ZFHX3: variants seen among roughly 807,000 people sequenced by gnomAD.
The protein encoded by ZFHX3 is zinc finger homeobox protein 3.
In ZFHX3, 42 loss-of-function variants were observed where a neutral mutation model predicts 279.1. The observed-to-expected ratio is 0.15, with a 90% CI of 0.12 to 0.19. ZFHX3 has a LOEUF of 0.19. ZFHX3 is among the 10% of genes least tolerant of loss of function. The probability of loss-of-function intolerance (pLI) is 1.00; values close to 1 mark genes in which losing one functional copy is unlikely to be tolerated. For synonymous variants in ZFHX3, 2,293 were observed against 1,957.8 expected (o/e 1.17, Z -4.52); for missense variants, 4,981 against 4,754.0 (o/e 1.05, Z -1.40).
At chr16:72,895,794 A>T (rs1190612516) in intron 3 of ZFHX3, among the ~76,000 whole-genome samples, 1 of 152,198 alleles carries the variant, frequency 6.6e-6, no homozygotes, top group African/African-American at 2.4e-5. Context: ...AGCGTACTCC[A>T]CCCTGGCTCA....
At chr16:73,343,073 A>G (rs1211378600) in intron 3 of ZFHX3, among the ~76,000 whole-genome samples, 1 of 152,210 alleles carries the variant, frequency 6.6e-6, no homozygotes, top group Non-Finnish European at 1.5e-5. Context: ...ATGAATGAAT[A>G]TATTGAGAAA....
chr16:73,650,260 G>C (rs1184304922), intron 2 of ZFHX3, among the ~76,000 whole-genome samples: 1 of 151,452 alleles, frequency 6.6e-6, no homozygotes, highest in African/African-American at 2.4e-5. Flanking sequence ...AAAAAAATTA[G>C]CTCAAAATAT....
intron 2 of ZFHX3, among the ~76,000 whole-genome samples, chr16:73,505,377 C>G (rs2019308780): frequency 6.6e-6 from 1 of 152,036 alleles, no homozygotes; most frequent in African/African-American, 2.4e-5. Flanking sequence ...TAGGGCTGAC[C>G]ACTTGTTCAC....
chr16:72,886,250 T>C (rs1026717777), intron 4 of ZFHX3, among the ~76,000 whole-genome samples: 1 of 152,144 alleles, frequency 6.6e-6, no homozygotes, highest in African/African-American at 2.4e-5. Flanking sequence ...GGAGCCTGTG[T>C]GTGGGAGGGG....
At chr16:73,186,434 G>A (rs1022773415) in intron 5 of ZFHX3, among the ~76,000 whole-genome samples, 16 of 152,058 alleles carry the variant, frequency 1.1e-4, no homozygotes, top group Non-Finnish European at 1.2e-4. Context: ...CATTTGCCTC[G>A]TAGAGTTATT....
At chr16:73,741,041 T>C (rs1394301491) in intron 1 of ZFHX3, among the ~76,000 whole-genome samples, 1 of 147,052 alleles carries the variant, frequency 6.8e-6, no homozygotes, top group African/African-American at 2.5e-5. Flanking sequence ...TTTTTTTTTT[T>C]TTTTTTTTGA....
At chr16:73,267,399 C>T (rs966189954) in intron 4 of ZFHX3, among the ~76,000 whole-genome samples, 1 of 152,098 alleles carries the variant, frequency 6.6e-6, no homozygotes, top group Non-Finnish European at 1.5e-5. Flanking sequence ...GGGGAGAGTA[C>T]TTCCGACTCG....
chr16:73,365,197 C>T (rs984106269), intron 3 of ZFHX3, among the ~76,000 whole-genome samples: 1 of 152,252 alleles, frequency 6.6e-6, no homozygotes, highest in African/African-American at 2.4e-5. Flanking sequence ...GTGCCACCCC[C>T]TTATCTGGAG....
intron 2 of ZFHX3, among the ~76,000 whole-genome samples, chr16:73,517,380 T>G (rs1398232153): frequency 6.6e-6 from 1 of 152,336 alleles, no homozygotes; most frequent in Admixed American, 6.5e-5. Context: ...TCCATATCCA[T>G]CTACAAAATT....
intron 2 of ZFHX3, among the ~76,000 whole-genome samples, chr16:73,479,282 A>G (rs1435723743): frequency 6.6e-6 from 1 of 152,132 alleles, no homozygotes; most frequent in East Asian, 1.9e-4. Context: ...GCTGATTGCA[A>G]TTCTTGACCT....
At chr16:73,555,365 A>G (rs2020262412) in intron 2 of ZFHX3, among the ~76,000 whole-genome samples, 1 of 151,994 alleles carries the variant, frequency 6.6e-6, no homozygotes, top group South Asian at 2.1e-4. Flanking sequence ...AGTGTCAGCC[A>G]GGATGGTCCC....
chr16:73,718,724 T>C (rs2053443014), intron 1 of ZFHX3, among the ~76,000 whole-genome samples: 1 of 151,976 alleles, frequency 6.6e-6, no homozygotes, highest in Admixed American at 6.6e-5. Flanking sequence ...CAAGCGATTC[T>C]TCTGCCTTAG....
At chr16:73,778,304 A>G (rs761916015) in intron 1 of ZFHX3, among the ~76,000 whole-genome samples, 3 of 149,352 alleles carry the variant, frequency 2.0e-5, no homozygotes, top group Non-Finnish European at 4.4e-5. Flanking sequence ...TCCTAAATCT[A>G]TTTTGATGTC....
chr16:72,799,193 T>C (rs1392969382), intron 8 of ZFHX3, among the ~76,000 whole-genome samples: 1 of 152,242 alleles, frequency 6.6e-6, no homozygotes, highest in Non-Finnish European at 1.5e-5. Flanking sequence ...CAAGAACTGC[T>C]GAACATCGTA....
chr16:73,196,150 G>GTTT lies in ZFHX3; in HGVS notation c.-1103-52322_-1103-52320dup, dbSNP rs11357649. Among the ~76,000 whole-genome samples, 35 of 104,904 alleles carry GTTT rather than the reference G, an allele frequency of 3.3e-4. 1 individual carries two copies. Among genetic ancestry groups the GTTT allele is most frequent in the African/African-American group, 8.9e-4 (24 of 26,842 alleles). The allele number at this position is 104,904 out of a possible 152,430, so 68.8% of individuals were successfully genotyped here. On this transcript the variant is annotated intron_variant, in intron 5 of 17. Coordinates refer to the ZFHX3 transcript ENST00000641206. ...AGTGCCATCTGTTTCTCTTGAAATA[G>GTTT]TTTTTTTTTTTTTTTGGAGGGGGGA...
At chr16:73,797,317 T>C (rs1960023262) in intron 1 of ZFHX3, among the ~76,000 whole-genome samples, 1 of 152,182 alleles carries the variant, frequency 6.6e-6, no homozygotes, top group Non-Finnish European at 1.5e-5. Context: ...CTAAAATTAC[T>C]CTGAGTTTTA....
chr16:73,026,444 G>A lies in ZFHX3; in HGVS notation c.-50+21308C>T, dbSNP rs556253466. On this transcript the variant is annotated intron_variant, in intron 1 of 9. Transcript: ENST00000268489. ...CCCAACACTTTGGGAGGCCAAGGCG[G>A]GTGGATCACCTGAGGTTAGGAGTTC... 7.2e-5 allele frequency among the ~76,000 whole-genome samples: 11 copies of A among 152,130 alleles called. No individual in the cohort carries two copies. The East Asian group carries it at 1.7e-3, about 24-fold the overall frequency.
chr16:73,575,256 G>C (rs1005674572), intron 2 of ZFHX3, among the ~76,000 whole-genome samples: 1 of 152,176 alleles, frequency 6.6e-6, no homozygotes, highest in Non-Finnish European at 1.5e-5. Flanking sequence ...TGTCCCAGAA[G>C]ACACCTATGG....
chr16:73,763,134 A>C (rs1304025489), intron 1 of ZFHX3, among the ~76,000 whole-genome samples: 1 of 152,176 alleles, frequency 6.6e-6, no homozygotes, highest in African/African-American at 2.4e-5. Flanking sequence ...TTACGAAAAC[A>C]AACTAGGAGT....
Sources: allele counts gnomAD v4.1 joint callset (sites outside exome capture counted in the v4.1 genomes callset), GRCh38; gene constraint gnomAD v4.1.1; transcripts MANE v1.5; gene names NCBI Gene and HGNC (gene_info 2026-07-23, HGNC 2026-07-21).